Variants in CDH12 observed in about 807,000 individuals in gnomAD.
CDH12 encodes the protein cadherin 12.
A neutral mutation model predicts 74.1 loss-of-function variants in CDH12; 41 were observed. That is an observed-to-expected ratio of 0.55 (90% confidence interval 0.43 to 0.72). CDH12 has a LOEUF of 0.72. Among genes scored for constraint, CDH12 ranks in the 30% least tolerant of loss-of-function variants. The probability of loss-of-function intolerance (pLI) is 0.00; values close to 1 mark genes in which losing one functional copy is unlikely to be tolerated. For missense variants in CDH12, 945 were observed against 977.2 expected, an observed-to-expected ratio of 0.97 and a Z score of 0.44; for synonymous variants, 399 against 355.0, an observed-to-expected ratio of 1.12 and a Z score of -1.39.
chr5:22,820,149 A>G (rs1269100583), intron 1 of CDH12, among the ~76,000 whole-genome samples: 1 of 151,628 alleles, frequency 6.6e-6, no homozygotes, highest in African/African-American at 2.4e-5. Flanking sequence ...AATGCTTCAC[A>G]GTAAGACCAA....
At chr5:22,211,496 A>G (rs1405208005) in intron 4 of CDH12, among the ~76,000 whole-genome samples, 1 of 152,098 alleles carries the variant, frequency 6.6e-6, no homozygotes, top group Non-Finnish European at 1.5e-5. Context: ...TTACATAAAA[A>G]TTTATCATAA....
intron 1 of CDH12, among the ~76,000 whole-genome samples, chr5:22,723,744 A>G (rs1561603967): frequency 1.3e-5 from 2 of 152,042 alleles, no homozygotes; most frequent in Non-Finnish European, 2.9e-5. Context: ...TTACAAGTGG[A>G]GAAGGAGAAG....
chr5:22,720,167 C>T (rs1298093695), intron 1 of CDH12, among the ~76,000 whole-genome samples: 1 of 152,038 alleles, frequency 6.6e-6, no homozygotes, highest in East Asian at 1.9e-4. Context: ...GAAGGAGGGA[C>T]CCGGTGGGAG....
chr5:21,961,378 ACT>A (rs550743444), intron 6 of CDH12, among the ~76,000 whole-genome samples: 39 of 151,938 alleles, frequency 2.6e-4, no homozygotes, highest in African/African-American at 8.7e-4. Flanking sequence ...CAATTTTATG[ACT>A]CTGTCTCAAA....
chr5:22,111,463 T>C (rs1023399914), intron 4 of CDH12, among the ~76,000 whole-genome samples: 7 of 152,196 alleles, frequency 4.6e-5, no homozygotes, highest in African/African-American at 1.7e-4. Flanking sequence ...CTCTATACTT[T>C]GTTGAATAAT....
At chr5:21,946,528 CAA>C (rs946328830) in intron 6 of CDH12, among the ~76,000 whole-genome samples, 9 of 150,076 alleles carry the variant, frequency 6.0e-5, no homozygotes, top group African/African-American at 1.5e-4. Context: ...ACACTTCACT[CAA>C]AGAGGTAAAA....
In CDH12 at chr5:21,752,113, G is replaced by A; in HGVS notation, c.2009C>T (p.Thr670Ile). The change falls in exon 15 of 15, where the codon ACC becomes ATC. Residue 670 changes from threonine (T) to isoleucine (I), a missense_variant. Physicochemically the swap from Thr to Ile is moderately conservative, Grantham distance 89 (BLOSUM62 -1). Around this residue, in one of 3 missense-constraint regions of CDH12, gnomAD observed 791 missense variants for 792.8 expected, o/e 1.00. Coordinates refer to ENST00000382254, the MANE Select transcript of CDH12 (RefSeq NM_004061.5). ...CAGAGCCCCGATGTCGAAAGCCTGG[G>A]TATCTTCCTCCCCACCTCCTTCATC... Reference protein sequence around the residue: ...YDDEGGGEEDTQAFDIGALRN... With the variant: ...YDDEGGGEEDIQAFDIGALRN... 1 of 1,614,060 alleles carries A rather than the reference G, an allele frequency of 6.2e-7. No individual in the cohort carries two copies.
chr5:21,842,381 C>T, intron 7 of CDH12, 53 bp from the exon 8 acceptor site: 12 of 1,278,066 alleles, frequency 9.4e-6, no homozygotes, highest in Non-Finnish European at 8.7e-6. Context: ...GCTCTGTTTT[C>T]TGAAATAAAA....
intron 5 of CDH12, among the ~76,000 whole-genome samples, chr5:22,004,203 A>C (rs1339334635): frequency 3.3e-5 from 5 of 152,350 alleles, no homozygotes; most frequent in Non-Finnish European, 7.3e-5. Context: ...ATTAAGCAGA[A>C]CACATATGGT....
At chr5:22,030,707 C>T (rs755896810) in intron 5 of CDH12, among the ~76,000 whole-genome samples, 1 of 152,182 alleles carries the variant, frequency 6.6e-6, no homozygotes, top group Non-Finnish European at 1.5e-5. Context: ...AACTTTGAAG[C>T]CAGGCATTGA....
At chr5:22,848,525 G>A (rs905308162) in intron 1 of CDH12, among the ~76,000 whole-genome samples, 2 of 152,112 alleles carry the variant, frequency 1.3e-5, no homozygotes, top group Admixed American at 6.5e-5. Flanking sequence ...CACGATCAAA[G>A]TTTGTTACCC....
intron 3 of CDH12, among the ~76,000 whole-genome samples, chr5:22,287,454 G>A (rs1429789477): frequency 2.6e-5 from 4 of 152,044 alleles, no homozygotes; most frequent in Non-Finnish European, 5.9e-5. Context: ...GCTGGGCGCG[G>A]TGGCTCACGC....
chr5:22,849,277 A>C (rs888887702), intron 1 of CDH12, among the ~76,000 whole-genome samples: 1 of 152,144 alleles, frequency 6.6e-6, no homozygotes, highest in Non-Finnish European at 1.5e-5. Context: ...TCCTTAAACT[A>C]TGGTTTCAAA....
chr5:22,187,874 G>C (rs1052097306), intron 4 of CDH12, among the ~76,000 whole-genome samples: 1 of 152,186 alleles, frequency 6.6e-6, no homozygotes, highest in Non-Finnish European at 1.5e-5. Flanking sequence ...AAATGAGAGA[G>C]GAGTTCTGCA....
intron 1 of CDH12, among the ~76,000 whole-genome samples, chr5:22,584,240 C>CA (rs1289165293): frequency 2.0e-5 from 3 of 152,068 alleles, no homozygotes; most frequent in African/African-American, 7.2e-5. Flanking sequence ...GCTGGGACTA[C>CA]AGGCATGCAT....
chr5:22,726,039 C>T (rs1022115778), intron 1 of CDH12, among the ~76,000 whole-genome samples: 1 of 151,642 alleles, frequency 6.6e-6, no homozygotes, highest in Non-Finnish European at 1.5e-5. Flanking sequence ...ACTGATGAAC[C>T]TACATTGACA....
At chr5:22,326,304 G>C (rs934437768) in intron 3 of CDH12, among the ~76,000 whole-genome samples, 4 of 151,440 alleles carry the variant, frequency 2.6e-5, no homozygotes, top group Admixed American at 2.6e-4. Flanking sequence ...GCGCGATCTC[G>C]GCTCACTGCA....
intron 5 of CDH12, among the ~76,000 whole-genome samples, chr5:21,994,729 G>C (rs1401957779): frequency 6.6e-6 from 1 of 152,116 alleles, no homozygotes; most frequent in Non-Finnish European, 1.5e-5. Context: ...TTCTGGTCTG[G>C]TGAGACTTGG....
chr5:21,945,289 A>AACTT (rs1479316177), intron 6 of CDH12, among the ~76,000 whole-genome samples: 15 of 151,926 alleles, frequency 9.9e-5, no homozygotes, highest in African/African-American at 3.6e-4. Context: ...AGCCGGGTGC[A>AACTT]TTGGCACATG....
Sources: gnomAD v4.1 joint callset for allele counts (sites outside exome capture counted in the v4.1 genomes callset) on GRCh38, gnomAD v4.1.1 for gene constraint, gnomAD v4.1.1 regional missense constraint, MANE v1.5 for transcripts, NCBI Gene and HGNC (gene_info 2026-07-23, HGNC 2026-07-21) for gene names.